The following RHOBTB1 variants were observed in gnomAD, a reference collection of about 807,000 sequenced individuals.
The protein encoded by RHOBTB1 is Rho related BTB domain containing 1, also known as rho-related BTB domain-containing protein 1.
A neutral mutation model predicts 71.6 loss-of-function variants in RHOBTB1; 40 were observed. The ratio of observed to expected loss-of-function variants is 0.56; its 90% CI spans 0.43 to 0.73. The LOEUF (loss-of-function observed/expected upper bound fraction) is 0.73, where lower values mean the gene tolerates loss of function less well. Among genes scored for constraint, RHOBTB1 ranks in the 30% least tolerant of loss-of-function variants. The pLI is 0.00. For synonymous variants in RHOBTB1, 319 were observed against 334.9 expected (o/e 0.95, Z 0.52); for missense variants, 797 against 894.0 (o/e 0.89, Z 1.38).
At chr10:60,908,342 T>G (rs1276908974) in intron 4 of RHOBTB1, among the ~76,000 whole-genome samples, 1 of 152,224 alleles carries the variant, frequency 6.6e-6, no homozygotes, top group Non-Finnish European at 1.5e-5. Context: ...TTAATTATTT[T>G]AAAAAGGTTT....
chr10:60,908,304 T>G (rs2082784396), intron 4 of RHOBTB1, among the ~76,000 whole-genome samples: 1 of 152,218 alleles, frequency 6.6e-6, no homozygotes, highest in Non-Finnish European at 1.5e-5. Context: ...TAAATCTGGC[T>G]TCTCTCACTG....
chr10:60,873,983 C>T (rs2080925251), intron 9 of RHOBTB1, among the ~76,000 whole-genome samples: 1 of 152,220 alleles, frequency 6.6e-6, no homozygotes, highest in Admixed American at 6.5e-5. Context: ...CCTTTTCCCC[C>T]TTTTGCACCA....
chr10:60,989,794 T>C (rs1338092779), intron 1 of RHOBTB1, among the ~76,000 whole-genome samples: 2 of 151,914 alleles, frequency 1.3e-5, no homozygotes, highest in Non-Finnish European at 2.9e-5. Context: ...ACCCCTGCTC[T>C]CTCCCCACAC....
intron 7 of RHOBTB1, among the ~76,000 whole-genome samples, chr10:60,880,840 C>T (rs2132409759): frequency 6.6e-6 from 1 of 152,336 alleles, no homozygotes; most frequent in South Asian, 2.1e-4. Context: ...TGTTTACATA[C>T]ATATGCATTT....
rs573056892 is a variant in RHOBTB1 at position 60,960,708 on chromosome 10, T to C, written c.-61-18854A>G. On this transcript the variant is annotated intron_variant, in intron 2 of 11. Coordinates refer to the RHOBTB1 transcript ENST00000357917. ...CGTAAAGAACTTGAAATGATTACAA[T>C]TAGATTGCATTTTCTGTAGCCTCTT... Among the ~76,000 whole-genome samples, 39 of 152,320 alleles carry C rather than the reference T, an allele frequency of 2.6e-4. 1 individual carries two copies. The highest frequency in any genetic ancestry group is 9.4e-4 in the African/African-American group (39 of 41,584).
intron 1 of RHOBTB1, among the ~76,000 whole-genome samples, chr10:60,991,431 CT>C (rs34517890): frequency 0.071 from 9,487 of 133,826 alleles, 483 homozygotes; most frequent in African/African-American, 0.16. Flanking sequence ...TCCCTCAGTA[CT>C]TTTTTTTTTT....
In RHOBTB1 at chr10:60,886,224, G is replaced by A. The variant is rs2081566559; in HGVS notation, c.1463C>T (p.Thr488Ile). ...CLSKGTFSDV[T>I]FKLDDGAISA... ...GATGGCTCCATCGTCCAATTTAAAT[G>A]TCACGTCTGCCAAGGGATTGAGGAA... The change falls in exon 7 of 11, where the codon ACA (threonine) becomes ATA (isoleucine). Residue 488 changes from threonine to isoleucine, a missense_variant. Thr to Ile is a moderately conservative substitution (Grantham distance 89, BLOSUM62 -1). Coordinates refer to ENST00000337910, the MANE Select transcript of RHOBTB1 (RefSeq NM_014836.5). 2 of 1,613,188 alleles carry A rather than the reference G, an allele frequency of 1.2e-6. No homozygotes were observed. The highest frequency in any genetic ancestry group is 2.2e-5 in the South Asian group (2 of 91,042).
intron 4 of RHOBTB1, among the ~76,000 whole-genome samples, chr10:60,905,707 G>A (rs2082645858): frequency 6.6e-6 from 1 of 152,100 alleles, no homozygotes; most frequent in African/African-American, 2.4e-5. Flanking sequence ...TCCACTTGAA[G>A]TTTCACTGTG....
chr10:60,933,924 T>G (rs976631422), intron 2 of RHOBTB1, among the ~76,000 whole-genome samples: 1 of 152,182 alleles, frequency 6.6e-6, no homozygotes, highest in Non-Finnish European at 1.5e-5. Flanking sequence ...AAAACTTATG[T>G]GCCTAAATAC....
chr10:60,917,758 C>G (rs573687062), intron 2 of RHOBTB1, among the ~76,000 whole-genome samples: 9 of 152,070 alleles, frequency 5.9e-5, no homozygotes, highest in Non-Finnish European at 1.2e-4. Flanking sequence ...CACCCTGTAG[C>G]ACTATCTCTG....
intron 2 of RHOBTB1, among the ~76,000 whole-genome samples, chr10:60,949,437 C>G (rs1356007301): frequency 6.6e-6 from 1 of 152,156 alleles, no homozygotes; most frequent in African/African-American, 2.4e-5. Context: ...CCCAGCTCTG[C>G]AGGATTTTGA....
chr10:60,917,858 GA>G (rs1277947347), intron 2 of RHOBTB1, among the ~76,000 whole-genome samples: 1 of 152,028 alleles, frequency 6.6e-6, no homozygotes, highest in Admixed American at 6.6e-5. Context: ...ACCTTACTCA[GA>G]CATCACCTCC....
intron 7 of RHOBTB1, among the ~76,000 whole-genome samples, chr10:60,879,831 T>TAGA (rs2081231833): frequency 6.6e-6 from 1 of 152,044 alleles, no homozygotes; most frequent in Non-Finnish European, 1.5e-5. Context: ...GGCACACACA[T>TAGA]GCATGGAGCC....
At chr10:60,874,252 C>T (rs1387709637) in intron 9 of RHOBTB1, among the ~76,000 whole-genome samples, 3 of 152,206 alleles carry the variant, frequency 2.0e-5, no homozygotes, top group Non-Finnish European at 4.4e-5. Context: ...GTGCCAGGGA[C>T]TAGATAATTC....
chr10:60,968,804 A>T (rs2134637605), intron 2 of RHOBTB1, among the ~76,000 whole-genome samples: 1 of 152,148 alleles, frequency 6.6e-6, no homozygotes, highest in South Asian at 2.1e-4. Flanking sequence ...AGGTATCTGG[A>T]TTTCTACAGG....
chr10:60,884,041 C>A lies in RHOBTB1; in HGVS notation c.1575+2071G>T, dbSNP rs982027512. Among the ~76,000 whole-genome samples the A allele has an allele frequency of 2.0e-5, 3 of 152,186 alleles. No homozygotes were observed. The East Asian group carries it at 5.8e-4, about 29-fold the overall frequency. On this transcript the variant is annotated intron_variant, in intron 7 of 10. Transcript: ENST00000337910. ...CCTGGTTTAGAAAGGCTGTTAGACA[C>A]CATAAGAGGCCATCAGGATAACTCT...
At chr10:60,974,793 G>A (rs2086263500) in intron 2 of RHOBTB1, among the ~76,000 whole-genome samples, 1 of 152,218 alleles carries the variant, frequency 6.6e-6, no homozygotes, top group South Asian at 2.1e-4. Context: ...GGAACCTGCA[G>A]AAGAGACTTT....
chr10:60,910,146 G>A (rs1245411591), intron 4 of RHOBTB1, among the ~76,000 whole-genome samples: 2 of 151,688 alleles, frequency 1.3e-5, no homozygotes, highest in Non-Finnish European at 2.9e-5. Context: ...TAATTAAGTG[G>A]TAAAAAAAAA....
chr10:60,985,625 C>CCAGAT (rs2086637810), intron 2 of RHOBTB1, among the ~76,000 whole-genome samples: 4 of 150,198 alleles, frequency 2.7e-5, no homozygotes, highest in African/African-American at 1.0e-4. Context: ...CCAAATGACT[C>CCAGAT]AAATTCTAAA....
Sources: gnomAD v4.1 joint callset for allele counts (sites outside exome capture counted in the v4.1 genomes callset) on GRCh38, gnomAD v4.1.1 for gene constraint, MANE v1.5 for transcripts, NCBI Gene and HGNC (gene_info 2026-07-23, HGNC 2026-07-21) for gene names.